The following DCDC1 variants were observed in gnomAD, a reference collection of about 807,000 sequenced individuals.
DCDC1 encodes doublecortin domain containing 1, also known as doublecortin domain-containing protein 1.
A neutral mutation model predicts 178.3 loss-of-function variants in DCDC1; 200 were observed. That is an observed-to-expected ratio of 1.12 (90% CI 1.00 to 1.26). The LOEUF (loss-of-function observed/expected upper bound fraction) is 1.26. Ranked by LOEUF, DCDC1 falls within the 50% of genes most tolerant of loss-of-function variation. The pLI, the probability that DCDC1 is intolerant of heterozygous loss-of-function variation, is 0.00. For missense variants in DCDC1, 1,983 were observed against 1,749.2 expected, an observed-to-expected ratio of 1.13 and a Z score of -2.38; for synonymous variants, 690 against 604.8, an observed-to-expected ratio of 1.14 and a Z score of -2.07.
At chr11:31,134,932 G>T (rs1962934621) in intron 10 of DCDC1, among the ~76,000 whole-genome samples, 1 of 152,158 alleles carries the variant, frequency 6.6e-6, no homozygotes, top group Admixed American at 6.5e-5. Flanking sequence ...GGAGTTCAAG[G>T]CTGCAGTGAG....
In DCDC1 at chr11:31,082,791, T is replaced by A. The variant is rs190578958; in HGVS notation, c.2238-4866A>T. 7.9e-5 allele frequency among the ~76,000 whole-genome samples: 12 copies of A among 152,280 alleles called. No homozygotes were observed. The East Asian group carries it at 2.3e-3, about 29-fold the overall frequency. Reference sequence around the variant, plus strand: ...GGAGGGCTATTATCATGCTTCAGGATCACAAGTTTCTTTTCTCAGACAGCC... The same window carrying A: ...GGAGGGCTATTATCATGCTTCAGGAACACAAGTTTCTTTTCTCAGACAGCC... On this transcript the variant is annotated intron_variant, in intron 17 of 38. Transcript: ENST00000684477.
chr11:30,876,480 AAAGT>A (rs1942130543), intron 38 of DCDC1, among the ~76,000 whole-genome samples: 1 of 152,202 alleles, frequency 6.6e-6, no homozygotes, highest in South Asian at 2.1e-4. Context: ...TGTCATCTAC[AAAGT>A]AAGTGTCGCT....
intron 22 of DCDC1, among the ~76,000 whole-genome samples, chr11:30,930,504 C>T (rs1946857964): frequency 6.6e-6 from 1 of 152,078 alleles, no homozygotes; most frequent in African/African-American, 2.4e-5. Flanking sequence ...GAACAAGTAA[C>T]TCTAATACCT....
At position 30,979,067 on chromosome 11, in the gene DCDC1, C is replaced by T. The variant is rs1373583978; in HGVS notation, c.2592-26499G>A. Among the ~76,000 whole-genome samples, 3 of 152,176 alleles carry T rather than the reference C, an allele frequency of 2.0e-5. No homozygotes were observed. The East Asian group carries it at 5.8e-4, about 29-fold the overall frequency. On this transcript the variant is annotated intron_variant, in intron 20 of 38. Coordinates refer to ENST00000684477, the MANE Select transcript of DCDC1 (RefSeq NM_001387274.1). ...AGCCTCCAAACTCTGAACTACATAACTGTGCCCATTAACCTCTACTCTCCT... is the reference window on the plus strand; with the variant it reads ...AGCCTCCAAACTCTGAACTACATAATTGTGCCCATTAACCTCTACTCTCCT...
chr11:30,939,863 T>C (rs994061527), intron 21 of DCDC1, among the ~76,000 whole-genome samples: 21 of 152,204 alleles, frequency 1.4e-4, no homozygotes. Flanking sequence ...CTATGTTTAG[T>C]AGAATTTGTC....
chr11:31,295,082 A>C (rs1230955266), intron 6 of DCDC1, among the ~76,000 whole-genome samples: 1 of 152,190 alleles, frequency 6.6e-6, no homozygotes, highest in Non-Finnish European at 1.5e-5. Context: ...AAATCTGTAG[A>C]TGCTCAAGTC....
intron 20 of DCDC1, among the ~76,000 whole-genome samples, chr11:30,991,040 C>T (rs1950949288): frequency 6.6e-6 from 1 of 152,122 alleles, no homozygotes; most frequent in Admixed American, 6.6e-5. Context: ...ATATTGCTGG[C>T]ATAAAAATAG....
chr11:31,124,632 C>A (rs1961332224), intron 11 of DCDC1, among the ~76,000 whole-genome samples: 1 of 152,040 alleles, frequency 6.6e-6, no homozygotes, highest in South Asian at 2.1e-4. Flanking sequence ...TAAGGCCACA[C>A]ACCTACAACT....
At position 31,102,159 on chromosome 11, in the gene DCDC1, C is replaced by A. The variant is rs768495706; in HGVS notation, c.1983+18G>T. ...TACATAAAGTGCACCTTTTAAAGTA[C>A]AATAACTAAAATCCCACCTTGTTCT... On this transcript the variant is annotated intron_variant, in intron 15 of 38. Coordinates refer to ENST00000684477, the MANE Select transcript of DCDC1 (RefSeq NM_001387274.1). 4 of 661,150 alleles carry A rather than the reference C, an allele frequency of 6.1e-6. No individual in the cohort carries two copies. Among genetic ancestry groups the A allele is most frequent in the African/African-American group, 1.8e-5 (1 of 56,486 alleles). The allele number at this position is 661,150 out of a possible 1,614,324, so 41.0% of individuals were successfully genotyped here.
At chr11:30,894,802 G>T (rs1037054021) in intron 34 of DCDC1, among the ~76,000 whole-genome samples, 5 of 152,146 alleles carry the variant, frequency 3.3e-5, no homozygotes, top group Admixed American at 2.6e-4. Context: ...TTAGCAGCCT[G>T]GGGATTAAGT....
At chr11:30,916,019 T>C (rs1185605215) in intron 26 of DCDC1, among the ~76,000 whole-genome samples, 1 of 152,108 alleles carries the variant, frequency 6.6e-6, no homozygotes, top group African/African-American at 2.4e-5. Flanking sequence ...GAGGAAAAAG[T>C]AAAATTTAAA....
intron 17 of DCDC1, among the ~76,000 whole-genome samples, chr11:31,084,477 G>C (rs1957361541): frequency 6.6e-6 from 1 of 151,896 alleles, no homozygotes; most frequent in Admixed American, 6.6e-5. Flanking sequence ...TAAAAATTTT[G>C]GTCCTTCCTG....
intron 8 of DCDC1, among the ~76,000 whole-genome samples, chr11:31,261,144 C>T (rs1162499820): frequency 6.6e-6 from 1 of 152,094 alleles, no homozygotes; most frequent in African/African-American, 2.4e-5. Context: ...TTAAAGGAAG[C>T]CCCACTGGCC....
At chr11:30,935,699 G>A (rs372123059) in intron 21 of DCDC1, among the ~76,000 whole-genome samples, 50 of 152,162 alleles carry the variant, frequency 3.3e-4, no homozygotes, top group African/African-American at 1.2e-3. Context: ...GATTACAGGT[G>A]AGTGCTACCA....
At chr11:31,149,365 C>T (rs976741493) in intron 9 of DCDC1, among the ~76,000 whole-genome samples, 2 of 152,054 alleles carry the variant, frequency 1.3e-5, no homozygotes, top group African/African-American at 2.4e-5. Context: ...CTTGTAAACG[C>T]ACCAATCAGC....
At chr11:31,137,873 T>C in intron 9 of DCDC1, 89 bp from the exon 10 acceptor site, 2 of 595,342 alleles carry the variant, frequency 3.4e-6, no homozygotes, top group Non-Finnish European at 3.0e-6. Context: ...AGCATAATCA[T>C]GAATGTGATT....
intron 20 of DCDC1, among the ~76,000 whole-genome samples, chr11:30,970,931 C>T (rs59044800): frequency 0.041 from 6,266 of 152,234 alleles, 425 homozygotes; most frequent in African/African-American, 0.14. Flanking sequence ...CCCAGCACAG[C>T]ACACCACCAT....
intron 7 of DCDC1, among the ~76,000 whole-genome samples, chr11:31,271,996 T>C (rs565219238): frequency 1.3e-5 from 2 of 152,142 alleles, no homozygotes; most frequent in East Asian, 3.9e-4. Flanking sequence ...TCCCCATCTC[T>C]ACTAAAAATA....
chr11:31,338,904 A>T (rs1950402187), intron 1 of DCDC1, among the ~76,000 whole-genome samples: 1 of 152,200 alleles, frequency 6.6e-6, no homozygotes, highest in South Asian at 2.1e-4. Flanking sequence ...CCCGTCCTCA[A>T]TGTAAACTTT....
Sources: allele counts gnomAD v4.1 joint callset (sites outside exome capture counted in the v4.1 genomes callset), GRCh38; gene constraint gnomAD v4.1.1; transcripts MANE v1.5; gene names NCBI Gene and HGNC (gene_info 2026-07-23, HGNC 2026-07-21).